Variants in OR4A15 observed in about 807,000 individuals in gnomAD.
OR4A15 encodes the protein olfactory receptor 4A15.
For missense variants in OR4A15, 657 were observed against 374.7 expected (o/e 1.75, Z -6.22); for synonymous variants, 240 against 135.6 (o/e 1.77, Z -5.35).
Position 55,368,237 on chromosome 11 carries a change from G to T in OR4A15, c.264G>T (p.Lys88Asn), listed in dbSNP as rs373928337. 15 of 1,613,800 alleles carry T rather than the reference G, an allele frequency of 9.3e-6. 1 individual carries two copies. Among genetic ancestry groups the T allele is most frequent in the South Asian group, 6.6e-5 (6 of 91,078 alleles). The change falls in exon 1 of 1, where the codon AAG becomes AAT. Residue 88 changes from lysine to asparagine, a missense_variant. Physicochemically the swap from Lys to Asn is moderately conservative, Grantham distance 94. Transcript: ENST00000641526. ...TTGTTGACTTGCTCTCTGAGAAAAAGACCATTTCCTTTCAGGGTTGTATGG... is the reference window on the plus strand; with the variant it reads ...TTGTTGACTTGCTCTCTGAGAAAAATACCATTTCCTTTCAGGGTTGTATGG...
chr11:55,368,743 C>T (rs7927370), exon 1 of OR4A15: 86,353 of 1,613,406 alleles, frequency 0.054, 2,678 homozygotes, highest in Non-Finnish European at 0.061. Context: ...TTCTTGTATG[C>T]AAGGCCCAAT....
At position 55,368,114 on chromosome 11, in the gene OR4A15, C is replaced by G. The variant is rs377665149; in HGVS notation, c.141C>G (p.Ile47Met). The G allele has an allele frequency of 7.7e-5, 124 of 1,612,798 alleles. No individual in the cohort carries two copies. In the Admixed American group the frequency reaches 1.4e-3, roughly 18 times the overall value. Residue 47 changes from isoleucine (I) to methionine (M), a missense_variant, in exon 1 of 1, where the codon ATC becomes ATG. Physicochemically the swap from Ile to Met is conservative, Grantham distance 10. Coordinates refer to ENST00000641526, the Ensembl canonical transcript of OR4A15. ...GCAACCTGCTTATCATAGTGACCAT[C>G]ATGGCCAGCCAGTCCCTGGGTTCCC...
exon 1 of OR4A15, chr11:55,368,786 A>G (rs1853894873): frequency 1.9e-6 from 3 of 1,613,518 alleles, no homozygotes; most frequent in African/African-American, 2.7e-5. Context: ...CCATGACTGT[A>G]GTTCTAACTT....
chr11:55,368,084 A>T, exon 1 of OR4A15: 1 of 1,613,316 alleles, frequency 6.2e-7, no homozygotes, highest in Middle Eastern at 1.8e-4. Context: ...TGGTGACGAT[A>T]ATGGGCAACC....
exon 1 of OR4A15, chr11:55,368,522 G>A (rs2119936955): frequency 6.2e-7 from 1 of 1,613,282 alleles, no homozygotes; most frequent in Non-Finnish European, 8.5e-7. Flanking sequence ...ATCCCTTATT[G>A]AAACTTGCTT....
At chr11:55,368,450 C>A (rs777983408) in exon 1 of OR4A15, 4 of 1,610,812 alleles carry the variant, frequency 2.5e-6, no homozygotes, top group Non-Finnish European at 3.4e-6. Flanking sequence ...TTCAATTTCT[C>A]TTTATTTATC....
chr11:55,368,146 A>G, exon 1 of OR4A15: 2 of 1,612,788 alleles, frequency 1.2e-6, no homozygotes, highest in Non-Finnish European at 1.7e-6. Context: ...TCCCCCATGT[A>G]CTTTTTTCTG....
At chr11:55,368,058 T>C in exon 1 of OR4A15, 1 of 1,613,610 alleles carries the variant, frequency 6.2e-7, no homozygotes, top group Non-Finnish European at 8.5e-7. Context: ...ATTTGTCACA[T>C]TCTTACTAAT....
At chr11:55,368,204 C>A in exon 1 of OR4A15, 1 of 1,613,628 alleles carries the variant, frequency 6.2e-7, no homozygotes, top group Non-Finnish European at 8.5e-7. Flanking sequence ...CATTTGCTCC[C>A]AAAATGATTG....
At position 55,368,116 on chromosome 11, in the gene OR4A15, T is replaced by G. The variant is rs770354031; in HGVS notation, c.143T>G (p.Met48Arg). 6.8e-6 allele frequency: 11 copies of G among 1,612,800 alleles called. No homozygotes were observed. The South Asian group carries it at 1.1e-4, about 16-fold the overall frequency. The stretch of plus-strand genomic sequence containing the variant: ...AACCTGCTTATCATAGTGACCATCA[T>G]GGCCAGCCAGTCCCTGGGTTCCCCC... Residue 48 changes from methionine to arginine, a missense_variant, in exon 1 of 1, where the codon ATG (methionine) becomes AGG (arginine). Met to Arg is a moderately conservative substitution (Grantham distance 91). Coordinates refer to ENST00000641526, the Ensembl canonical transcript of OR4A15.
chr11:55,368,703 G>C, exon 1 of OR4A15: 3 of 1,613,702 alleles, frequency 1.9e-6, no homozygotes, highest in Non-Finnish European at 2.5e-6. Flanking sequence ...CCACGTCACT[G>C]TGGTCATTTT....
chr11:55,368,418 G>A (rs1853884452), exon 1 of OR4A15: 3 of 1,613,214 alleles, frequency 1.9e-6, no homozygotes, highest in South Asian at 2.2e-5. Context: ...GGCCTGGATT[G>A]GAGGCTTTCT....
chr11:55,368,090 C>G, exon 1 of OR4A15: 2 of 1,613,154 alleles, frequency 1.2e-6, no homozygotes, highest in Admixed American at 1.7e-5. Context: ...CGATAATGGG[C>G]AACCTGCTTA....
At chr11:55,368,393 T>G (rs773363694) in exon 1 of OR4A15, 2 of 1,613,796 alleles carry the variant, frequency 1.2e-6, no homozygotes, top group Non-Finnish European at 1.7e-6. Flanking sequence ...GAGTCTGTGT[T>G]CTTATGCTGT....
exon 1 of OR4A15, chr11:55,368,439 G>C (rs748243733): frequency 2.4e-5 from 38 of 1,612,004 alleles, no homozygotes; most frequent in Non-Finnish European, 3.1e-5. Context: ...TCACTCATTG[G>C]TTCAATTTCT....
Position 55,368,530 on chromosome 11 carries a change from C to T in OR4A15, c.557C>T (p.Ala186Val), listed in dbSNP as rs1191978839. 2.5e-6 allele frequency: 4 copies of T among 1,613,218 alleles called. No individual in the cohort carries two copies. Among genetic ancestry groups the T allele is most frequent in the East Asian group, 2.2e-5 (1 of 44,800 alleles). The stretch of plus-strand genomic sequence containing the variant: ...GATTTGTATCCCTTATTGAAACTTG[C>T]TTGCACCAATACCTATGTCACTGGG... Residue 186 changes from alanine (A) to valine (V), a missense_variant, in exon 1 of 1, where the codon GCT (alanine) becomes GTT (valine). Physicochemically the swap from Ala to Val is moderately conservative, Grantham distance 64 (BLOSUM62 0). Coordinates refer to ENST00000641526, the Ensembl canonical transcript of OR4A15.
chr11:55,368,039 A>G (rs1853873220), exon 1 of OR4A15: 1 of 1,613,506 alleles, frequency 6.2e-7, no homozygotes, highest in South Asian at 1.1e-5. Context: ...CTGAGGGGCA[A>G]AAGGTTTTAT....
exon 1 of OR4A15, chr11:55,368,900 A>G (rs932551298): frequency 2.5e-6 from 4 of 1,602,930 alleles, no homozygotes; most frequent in Admixed American, 3.4e-5. Flanking sequence ...TAGCTGGGAA[A>G]TGGCTGTATC....
At chr11:55,367,983 A>G in exon 1 of OR4A15, 1 of 1,613,424 alleles carries the variant, frequency 6.2e-7, no homozygotes, top group East Asian at 2.2e-5. Flanking sequence ...CATGAAAAAT[A>G]AGAACAATGT....
Sources: gnomAD v4.1 joint callset for allele counts on GRCh38, gnomAD v4.1.1 for gene constraint, MANE v1.5 for transcripts, NCBI Gene and HGNC (gene_info 2026-07-23, HGNC 2026-07-21) for gene names.